The following CFAP100 variants were observed in gnomAD, a reference collection of about 807,000 sequenced individuals.
The protein encoded by CFAP100 is cilia- and flagella-associated protein 100.
A neutral mutation model predicts 81.5 loss-of-function variants in CFAP100; 70 were observed. That is an observed-to-expected ratio of 0.86 (90% CI 0.71 to 1.05). The LOEUF (loss-of-function observed/expected upper bound fraction) is 1.05, where lower values mean the gene tolerates loss of function less well. Ranked by LOEUF, CFAP100 falls within the 50% of genes least tolerant of loss-of-function variation. The pLI is 0.00. For missense variants in CFAP100, 811 were observed against 776.5 expected (o/e 1.04, Z -0.53); for synonymous variants, 341 against 314.8 (o/e 1.08, Z -0.88).
chr3:126,414,703 C>A (rs929755224), intron 4 of CFAP100, among the ~76,000 whole-genome samples: 2 of 152,352 alleles, frequency 1.3e-5, no homozygotes, highest in Non-Finnish European at 2.9e-5. Flanking sequence ...CCCACTCTTG[C>A]CCCATCTTCA....
chr3:126,416,314 AG>A lies in CFAP100; in HGVS notation c.226del. The A allele has an allele frequency of 1.3e-6, 2 of 1,580,260 alleles. No homozygotes were observed. The highest frequency in any genetic ancestry group is 1.7e-6 in the Non-Finnish European group (2 of 1,158,134). ...CCGCCCGACTTGGCCCGACGCCCCCAGGAACGGCAGCAGCAGAAGACGATGC... is the reference window on the plus strand; with the variant it reads ...CCGCCCGACTTGGCCCGACGCCCCCAGAACGGCAGCAGCAGAAGACGATGC... On this transcript the variant is annotated splice_acceptor_variant, in intron 4 of 16. Coordinates refer to ENST00000352312, the MANE Select transcript of CFAP100 (RefSeq NM_182628.3). LOFTEE classifies it high-confidence loss of function.
Position 126,435,635 on chromosome 3 carries a change from G to A in CFAP100, c.1705G>A (p.Ala569Thr). 6.2e-7 allele frequency: 1 copy of A among 1,611,654 alleles called. No individual in the cohort carries two copies. The highest frequency in any genetic ancestry group is 1.1e-5 in the South Asian group (1 of 90,886). Reference protein sequence around the residue: ...HLQRARARAQAEIKKKRGRTL... With the variant: ...HLQRARARAQTEIKKKRGRTL... Reference sequence around the variant, plus strand: ...GCAGCGGGCCCGGGCGCGCGCCCAGGCTGAGATCAAGAAGAAGGTAGGCAG... The same window carrying A: ...GCAGCGGGCCCGGGCGCGCGCCCAGACTGAGATCAAGAAGAAGGTAGGCAG... The change falls in exon 16 of 17, where the codon GCT becomes ACT. Residue 569 changes from alanine (A) to threonine (T), a missense_variant. Coordinates refer to ENST00000352312, the MANE Select transcript of CFAP100 (RefSeq NM_182628.3).
chr3:126,396,816 C>G (rs2082896770), intron 2 of CFAP100: 1 of 152,234 alleles, frequency 6.6e-6, no homozygotes, highest in African/African-American at 2.4e-5. Context: ...TCACACAGGG[C>G]GACGCTGAGG....
intron 2 of CFAP100, among the ~76,000 whole-genome samples, chr3:126,401,580 G>C (rs1470968338): frequency 6.6e-6 from 1 of 151,638 alleles, no homozygotes; most frequent in Non-Finnish European, 1.5e-5. Context: ...GAAGCATTTA[G>C]ACAGGGGGAT....
intron 15 of CFAP100, among the ~76,000 whole-genome samples, 169 bp from the exon 16 acceptor site, chr3:126,435,390 C>T (rs950205893): frequency 2.0e-5 from 3 of 152,120 alleles, no homozygotes; most frequent in Non-Finnish European, 2.9e-5. Flanking sequence ...CCAAAAGCAG[C>T]GGTGCTTTGG....
In CFAP100 at chr3:126,433,220, AG is replaced by A; in HGVS notation, c.1422+18del. Reference sequence around the variant, plus strand: ...CGATCAGCAGGTAGGCTGGGGATCAAGGTGGCCAGAGGCCCAGGGTAAGGAG... The same window carrying A: ...CGATCAGCAGGTAGGCTGGGGATCAAGTGGCCAGAGGCCCAGGGTAAGGAG... On this transcript the variant is annotated intron_variant, in intron 14 of 16. Coordinates refer to ENST00000352312, the MANE Select transcript of CFAP100 (RefSeq NM_182628.3). 1 of 1,613,756 alleles carries A rather than the reference AG, an allele frequency of 6.2e-7. No individual in the cohort carries two copies. The highest frequency in any genetic ancestry group is 8.5e-7 in the Non-Finnish European group (1 of 1,179,772).
chr3:126,434,316 G>T lies in CFAP100; in HGVS notation c.1563G>T (p.Leu521=), dbSNP rs762979957. Residue 521 remains leucine, a synonymous_variant, in exon 15 of 17, where the codon CTG becomes CTT. Coordinates refer to ENST00000352312, the MANE Select transcript of CFAP100 (RefSeq NM_182628.3). ...AGCTGGATGAGCTGCTAGAGAACCT[G>T]GAGCACGTGCCCCAGGTCAAGATCG... ...EHQLDELLEN[L]EHVPQVKIEQ... 6.2e-7 allele frequency: 1 copy of T among 1,614,110 alleles called. No individual in the cohort carries two copies. The highest frequency in any genetic ancestry group is 2.2e-5 in the East Asian group (1 of 44,872).
chr3:126,410,043 G>A (rs2083130090), intron 3 of CFAP100, among the ~76,000 whole-genome samples: 2 of 152,120 alleles, frequency 1.3e-5, no homozygotes, highest in African/African-American at 4.8e-5. Context: ...TCTACTAAAA[G>A]TATAAAAATT....
At position 126,406,151 on chromosome 3, in the gene CFAP100, G is replaced by T. The variant is rs531257196; in HGVS notation, c.50-1021G>T. Among the ~76,000 whole-genome samples, 172 of 152,204 alleles carry T rather than the reference G, an allele frequency of 1.1e-3. 1 individual carries two copies. The highest frequency in any genetic ancestry group is 3.5e-3 in the African/African-American group (144 of 41,530). On this transcript the variant is annotated intron_variant, in intron 2 of 16. Transcript: ENST00000352312. ...AGCCTCACCTCTCCCGACCGCCTCT[G>T]CCTCCCCGACTATACATTATGGATT...
At chr3:126,425,367 CAAAT>C (rs2083390845) in intron 13 of CFAP100, among the ~76,000 whole-genome samples, 1 of 152,038 alleles carries the variant, frequency 6.6e-6, no homozygotes, top group African/African-American at 2.4e-5. Flanking sequence ...ATATATAAAA[CAAAT>C]AGACAATCAT....
chr3:126,423,906 C>A (rs1234345843), intron 13 of CFAP100, among the ~76,000 whole-genome samples: 4 of 152,260 alleles, frequency 2.6e-5, no homozygotes, highest in Non-Finnish European at 5.9e-5. Context: ...CTCCAAGGAC[C>A]TTCTGCCCTA....
intron 11 of CFAP100, among the ~76,000 whole-genome samples, chr3:126,422,120 A>G (rs2083341206): frequency 6.6e-6 from 1 of 152,132 alleles, no homozygotes; most frequent in African/African-American, 2.4e-5. Context: ...TATATAAGGC[A>G]CTCACTCAGC....
chr3:126,436,422 T>G lies in CFAP100; in HGVS notation c.*18T>G, dbSNP rs1289770162. On this transcript the variant is annotated 3_prime_UTR_variant, in exon 17 of 17. Transcript: ENST00000352312. ...TTACTTAATCTTCGCAGACCATAGC[T>G]GTTCTGGCTGAAGGCTTAGCAAAGA... 6.3e-7 allele frequency: 1 copy of G among 1,590,434 alleles called. No individual in the cohort carries two copies. The highest frequency in any genetic ancestry group is 1.7e-4 in the Middle Eastern group (1 of 5,972).
At chr3:126,396,168 C>T (rs2082885824) in intron 2 of CFAP100, 119 bp downstream of exon 2, 1 of 763,470 alleles carries the variant, frequency 1.3e-6, no homozygotes. Context: ...CATAGATCTG[C>T]CTACTTCCCT....
Position 126,433,399 on chromosome 3 carries a change from AC to A in CFAP100, c.1422+196del. 5.0e-6 allele frequency: 3 copies of A among 601,560 alleles called. No homozygotes were observed. In the South Asian group the frequency reaches 6.3e-5, roughly 13 times the overall value. 37.3% of individuals were successfully genotyped at this position (601,560 alleles called of 1,614,324 possible). A position where few individuals can be genotyped will look rare whatever the true frequency, so the allele number is the denominator to read the frequency against. The stretch of plus-strand genomic sequence containing the variant: ...TGTGCCAGCCAGCTTGGTTGCCCCC[AC>A]GCCTCATCCATTGCTTCATTCTTTT... On this transcript the variant is annotated intron_variant, in intron 14 of 16. Coordinates refer to ENST00000352312, the MANE Select transcript of CFAP100 (RefSeq NM_182628.3).
At chr3:126,399,138 C>T (rs2082932858) in intron 2 of CFAP100, among the ~76,000 whole-genome samples, 1 of 152,226 alleles carries the variant, frequency 6.6e-6, no homozygotes, top group Non-Finnish European at 1.5e-5. Flanking sequence ...CCCACCTGCC[C>T]TACATCCCTC....
rs1489554124 is a variant in CFAP100 at position 126,411,375 on chromosome 3, T to TG, written c.131-2710_131-2709insG. On this transcript the variant is annotated intron_variant, in intron 3 of 16. Transcript: ENST00000352312. The stretch of plus-strand genomic sequence containing the variant: ...TGTTGTTGTTGGTTTTTTTTTTTTT[T>TG]TTTTTTTTTTTTGCTCGTGTCCTTT... Among the ~76,000 whole-genome samples the TG allele has an allele frequency of 1.6e-4, 22 of 141,288 alleles. No individual in the cohort carries two copies. The East Asian group carries it at 2.9e-3, about 19-fold the overall frequency. 92.7% of individuals were successfully genotyped at this position (141,288 alleles called of 152,430 possible).
chr3:126,401,965 G>A (rs1444828670), intron 2 of CFAP100, among the ~76,000 whole-genome samples: 2 of 152,186 alleles, frequency 1.3e-5, no homozygotes, highest in Non-Finnish European at 2.9e-5. Context: ...TGCTCCCATG[G>A]TGCCTCCTCC....
At chr3:126,420,350 C>A (rs1279336780) in intron 11 of CFAP100, 121 bp downstream of exon 11, 10 of 1,384,122 alleles carry the variant, frequency 7.2e-6, no homozygotes, top group Middle Eastern at 5.2e-4. Flanking sequence ...ACAGTCCCTA[C>A]TCCAAGAAGG....
Sources: gnomAD v4.1 joint callset for allele counts (sites outside exome capture counted in the v4.1 genomes callset) on GRCh38, gnomAD v4.1.1 for gene constraint, MANE v1.5 for transcripts, NCBI Gene and HGNC (gene_info 2026-07-23, HGNC 2026-07-21) for gene names.